The following MIPEP variants were observed in gnomAD, a reference collection of about 807,000 sequenced individuals.
MIPEP encodes mitochondrial intermediate peptidase.
Under a neutral mutation model 90.3 loss-of-function variants are expected in MIPEP, and 79 were observed. The observed-to-expected ratio is 0.87, with a 90% CI of 0.73 to 1.05. The LOEUF (loss-of-function observed/expected upper bound fraction) is 1.05. MIPEP is among the 50% of genes least tolerant of loss of function. MIPEP has a pLI of 0.00. For missense variants in MIPEP, 940 were observed against 905.6 expected, an observed-to-expected ratio of 1.04 and a Z score of -0.49; for synonymous variants, 334 against 315.8, an observed-to-expected ratio of 1.06 and a Z score of -0.61.
At chr13:23,887,905 T>C (rs1871577510) in intron 1 of MIPEP, among the ~76,000 whole-genome samples, 1 of 152,124 alleles carries the variant, frequency 6.6e-6, no homozygotes, top group South Asian at 2.1e-4. Context: ...ACAAATGTCA[T>C]CTTTATACTG....
At chr13:23,835,275 C>T (rs1868985588) in intron 14 of MIPEP, among the ~76,000 whole-genome samples, 1 of 152,068 alleles carries the variant, frequency 6.6e-6, no homozygotes, top group South Asian at 2.1e-4. Context: ...CCTGCCTCAG[C>T]CTCCCAAAGT....
chr13:23,875,706 G>A (rs532426051), intron 4 of MIPEP, among the ~76,000 whole-genome samples: 9 of 152,014 alleles, frequency 5.9e-5, no homozygotes, highest in East Asian at 3.9e-4. Context: ...TACGTTTATC[G>A]TATTACACAA....
chr13:23,846,762 T>C (rs1869559503), intron 10 of MIPEP, among the ~76,000 whole-genome samples: 1 of 152,196 alleles, frequency 6.6e-6, no homozygotes. Context: ...GCTTGACCTG[T>C]ATTGCAAATA....
intron 16 of MIPEP, among the ~76,000 whole-genome samples, chr13:23,800,892 A>G (rs553147321): frequency 1.8e-4 from 27 of 152,360 alleles, no homozygotes; most frequent in Admixed American, 5.2e-4. Context: ...AGCCAGCTCA[A>G]TGTTGTTTAA....
In MIPEP at chr13:23,836,258, T is replaced by A; in HGVS notation, c.1635A>T (p.Arg545Ser). Residue 545 changes from arginine to serine, a missense_variant, in exon 14 of 19, where the codon AGA (arginine) becomes AGT (serine). Transcript: ENST00000382172. ...TTCCTACCTGTCCAGTCTGATAATG[T>A]CTGGCAAATTGGTTAACTACTCGAT... Reference protein sequence around the residue: ...NDYRVVNQFARHYQTGQPLPK... With the variant: ...NDYRVVNQFASHYQTGQPLPK... 2 of 1,602,676 alleles carry A rather than the reference T, an allele frequency of 1.2e-6. No homozygotes were observed. Among genetic ancestry groups the A allele is most frequent in the Non-Finnish European group, 1.7e-6 (2 of 1,174,922 alleles).
intron 2 of MIPEP, among the ~76,000 whole-genome samples, chr13:23,885,131 T>C (rs919984716): frequency 4.6e-5 from 7 of 152,314 alleles, no homozygotes; most frequent in African/African-American, 1.7e-4. Flanking sequence ...TAAAAAAGAA[T>C]GAGATTATGT....
intron 16 of MIPEP, among the ~76,000 whole-genome samples, chr13:23,786,557 C>T (rs1002642189): frequency 3.3e-5 from 5 of 151,516 alleles, no homozygotes; most frequent in Admixed American, 2.0e-4. Context: ...TTAACATTTT[C>T]ATAAAAATCA....
intron 14 of MIPEP, among the ~76,000 whole-genome samples, chr13:23,821,045 CT>C (rs1360833702): frequency 1.3e-5 from 2 of 152,202 alleles, no homozygotes; most frequent in Admixed American, 1.3e-4. Flanking sequence ...GCAACATTTT[CT>C]TTTTCCACAG....
chr13:23,805,137 G>A (rs1042208135), intron 16 of MIPEP, among the ~76,000 whole-genome samples: 8 of 152,158 alleles, frequency 5.3e-5, no homozygotes, highest in African/African-American at 1.4e-4. Context: ...GTTTAAGTCC[G>A]TGTGAACCAC....
chr13:23,777,013 T>TC (rs1952725734), intron 16 of MIPEP, among the ~76,000 whole-genome samples: 1 of 152,196 alleles, frequency 6.6e-6, no homozygotes, highest in Non-Finnish European at 1.5e-5. Context: ...CTCAAAATGC[T>TC]TAAACGCCAG....
At position 23,852,640 on chromosome 13, in the gene MIPEP, C is replaced by T. The variant is rs967593325; in HGVS notation, c.1106+6220G>A. Among the ~76,000 whole-genome samples the T allele has an allele frequency of 5.1e-4, 78 of 152,214 alleles. 1 individual carries two copies. The highest frequency in any genetic ancestry group is 2.6e-4 in the Admixed American group (4 of 15,282). On this transcript the variant is annotated intron_variant, in intron 10 of 18. Transcript: ENST00000382172. The stretch of plus-strand genomic sequence containing the variant: ...AAAGCCTAACACACACAATTAGGTA[C>T]AGTACACAACACTTAATAAATGACC...
intron 18 of MIPEP, among the ~76,000 whole-genome samples, chr13:23,750,280 C>T (rs554637542): frequency 1.7e-3 from 252 of 152,214 alleles, no homozygotes; most frequent in African/African-American, 5.6e-3. Context: ...GTCAGATTGC[C>T]CTGGTACGAT....
At chr13:23,754,056 T>G (rs1952467164) in intron 18 of MIPEP, among the ~76,000 whole-genome samples, 1 of 152,164 alleles carries the variant, frequency 6.6e-6, no homozygotes, top group African/African-American at 2.4e-5. Flanking sequence ...CAGGAAGCAG[T>G]TAAACAAAAA....
chr13:23,754,702 A>G (rs919444464), intron 18 of MIPEP, among the ~76,000 whole-genome samples: 1 of 152,196 alleles, frequency 6.6e-6, no homozygotes, highest in African/African-American at 2.4e-5. Flanking sequence ...GTGTAGCAGC[A>G]TGGCCTGGGA....
chr13:23,887,769 G>A (rs1871568761), intron 1 of MIPEP, among the ~76,000 whole-genome samples: 1 of 152,192 alleles, frequency 6.6e-6, no homozygotes, highest in East Asian at 1.9e-4. Context: ...GGCCTGACAA[G>A]CCCTACTGTT....
At chr13:23,869,570 T>C (rs1870692326) in intron 6 of MIPEP, 122 bp from the exon 7 acceptor site, 1 of 928,068 alleles carries the variant, frequency 1.1e-6, no homozygotes, top group Non-Finnish European at 1.5e-6. Flanking sequence ...AATAAAGCAA[T>C]GGTCTACACG....
At chr13:23,866,512 A>C (rs935059348) in intron 7 of MIPEP, among the ~76,000 whole-genome samples, 49 of 151,886 alleles carry the variant, frequency 3.2e-4, no homozygotes, top group African/African-American at 1.1e-3. Context: ...AGCCCTCCTC[A>C]CATCTGACCT....
rs150941105 is a variant in MIPEP, at chr13:23,839,676, A to G, written c.1311T>C (p.Phe437=). 1,156 of 1,613,448 alleles carry G rather than the reference A, an allele frequency of 7.2e-4. 4 individuals are homozygous for G. Among genetic ancestry groups the G allele is most frequent in the Non-Finnish European group, 9.4e-4 (1,113 of 1,179,758 alleles). ...EGLLGYIYCD[F]FQRADKPHQD... Reference sequence around the variant, plus strand: ...GATGTGGTTTGTCTGCTCGCTGAAAAAAATCACAGTAAATGTACCCCAACA... The same window carrying G: ...GATGTGGTTTGTCTGCTCGCTGAAAGAAATCACAGTAAATGTACCCCAACA... The change falls in exon 12 of 19, where the codon TTT becomes TTC. Residue 437 remains phenylalanine, a synonymous_variant. Coordinates refer to ENST00000382172, the MANE Select transcript of MIPEP (RefSeq NM_005932.4).
chr13:23,816,873 C>A (rs1487993948), intron 14 of MIPEP, among the ~76,000 whole-genome samples: 1 of 152,152 alleles, frequency 6.6e-6, no homozygotes, highest in Non-Finnish European at 1.5e-5. Flanking sequence ...CTCAGATATT[C>A]CAGATTGATA....
Sources: allele counts gnomAD v4.1 joint callset (sites outside exome capture counted in the v4.1 genomes callset), GRCh38; gene constraint gnomAD v4.1.1; transcripts MANE v1.5; gene names NCBI Gene and HGNC (gene_info 2026-07-23, HGNC 2026-07-21).